Variants in MYPN observed in about 807,000 individuals in gnomAD.
MYPN encodes the protein myopalladin.
Under a neutral mutation model 129.4 loss-of-function variants are expected in MYPN, and 63 were observed. The observed-to-expected ratio is 0.49, with a 90% CI of 0.40 to 0.60. The LOEUF (loss-of-function observed/expected upper bound fraction) is 0.60, where lower values mean the gene tolerates loss of function less well. Among genes scored for constraint, MYPN ranks in the 20% least tolerant of loss-of-function variants. The probability of loss-of-function intolerance (pLI) is 0.00; values close to 1 mark genes in which losing one functional copy is unlikely to be tolerated. For missense variants in MYPN, 1,596 were observed against 1,635.4 expected (o/e 0.98, Z 0.42); for synonymous variants, 629 against 600.9 (o/e 1.05, Z -0.68).
At chr10:68,106,916 A>T (rs1261323584), upstream of MYPN, 1 of 672,080 alleles carries the variant, frequency 1.5e-6, no homozygotes, top group Non-Finnish European at 2.7e-6. Context: ...ACTCAACTTT[A>T]TGGGGAAGGC....
At chr10:68,146,644 C>T (rs1258530438) in intron 4 of MYPN, among the ~76,000 whole-genome samples, 1 of 152,218 alleles carries the variant, frequency 6.6e-6, no homozygotes, top group African/African-American at 2.4e-5. Flanking sequence ...AATGACCCCA[C>T]ATTCCACTAG....
chr10:68,147,474 C>G (rs1304756552), intron 4 of MYPN, among the ~76,000 whole-genome samples: 2 of 152,116 alleles, frequency 1.3e-5, no homozygotes, highest in African/African-American at 4.8e-5. Context: ...TATTATTTCC[C>G]CATTTTAGAG....
chr10:68,192,995 T>G (rs1195779699), intron 13 of MYPN, among the ~76,000 whole-genome samples: 1 of 152,158 alleles, frequency 6.6e-6, no homozygotes, highest in Non-Finnish European at 1.5e-5. Context: ...TTTGGTCTTT[T>G]GCATTTTTTT....
In MYPN at chr10:68,210,989, G is replaced by A. The variant is rs772622783; in HGVS notation, c.*534G>A. The A allele has an allele frequency of 6.8e-5, 31 of 454,134 alleles. No individual in the cohort carries two copies. The highest frequency in any genetic ancestry group is 4.9e-4 in the East Asian group (7 of 14,404). 28.1% of individuals were successfully genotyped at this position (454,134 alleles called of 1,614,324 possible). ...TAGGAGGTCATGCCATACAACTCAC[G>A]TATGCGGGCAAACACTTTTGATTTG... On this transcript the variant is annotated 3_prime_UTR_variant, in exon 20 of 20. Transcript: ENST00000358913.
chr10:68,188,591 T>A (rs1475629334), intron 12 of MYPN, among the ~76,000 whole-genome samples: 1 of 152,186 alleles, frequency 6.6e-6, no homozygotes, highest in African/African-American at 2.4e-5. Context: ...AAGTTTTCCA[T>A]ATTGAAAGGA....
intron 13 of MYPN, among the ~76,000 whole-genome samples, chr10:68,192,075 G>C (rs548510868): frequency 6.6e-6 from 1 of 152,100 alleles, no homozygotes. Context: ...TCTTTGTCTT[G>C]TTCCTGATGT....
At chr10:68,128,031 A>G (rs966936298) in intron 2 of MYPN, among the ~76,000 whole-genome samples, 3 of 152,152 alleles carry the variant, frequency 2.0e-5, no homozygotes, top group African/African-American at 7.2e-5. Flanking sequence ...TTGATTTCCA[A>G]GTTAATTGGG....
chr10:68,142,741 T>C (rs1251761359), intron 2 of MYPN, among the ~76,000 whole-genome samples, 199 bp from the exon 3 acceptor site: 1 of 152,224 alleles, frequency 6.6e-6, no homozygotes, highest in Non-Finnish European at 1.5e-5. Context: ...ACTTTCTAAT[T>C]TCCTGAGTGT....
chr10:68,203,720 CAGAGAGAGAG>C (rs371058853), intron 18 of MYPN, among the ~76,000 whole-genome samples: 5 of 115,660 alleles, frequency 4.3e-5, no homozygotes, highest in African/African-American at 1.4e-4. Context: ...CATACACACA[CAGAGAGAGAG>C]AGAGAGAGAG....
At chr10:68,195,634 G>A in intron 15 of MYPN, 102 bp downstream of exon 15, 1 of 949,702 alleles carries the variant, frequency 1.1e-6, no homozygotes, top group African/African-American at 1.6e-5. Context: ...ATTAAAGGTA[G>A]TCCTTCACTT....
At chr10:68,088,568 A>G (rs1288637089) in intron 1 of MYPN, among the ~76,000 whole-genome samples, 1 of 152,172 alleles carries the variant, frequency 6.6e-6, no homozygotes, top group African/African-American at 2.4e-5. Flanking sequence ...CATTGTTTCT[A>G]TAAGTTTCTG....
chr10:68,113,738 T>C (rs1335477499), intron 1 of MYPN, among the ~76,000 whole-genome samples: 1 of 151,958 alleles, frequency 6.6e-6, no homozygotes, highest in African/African-American at 2.4e-5. Context: ...AATAAATTCG[T>C]TTTTTTCAGC....
chr10:68,117,302 T>A (rs79290650), intron 1 of MYPN, among the ~76,000 whole-genome samples: 3 of 140,678 alleles, frequency 2.1e-5, no homozygotes, highest in African/African-American at 5.5e-5. Context: ...AAAAAAAAAA[T>A]TTATTGACCA....
intron 1 of MYPN, among the ~76,000 whole-genome samples, chr10:68,092,666 T>C (rs2041936483): frequency 6.6e-6 from 1 of 152,120 alleles, no homozygotes; most frequent in South Asian, 2.1e-4. Context: ...AGTGTAGGAG[T>C]GCTGTATGAT....
intron 3 of MYPN, among the ~76,000 whole-genome samples, chr10:68,145,046 C>T (rs1446601391): frequency 5.4e-5 from 8 of 148,086 alleles, no homozygotes; most frequent in Non-Finnish European, 1.0e-4. Context: ...TTTTTTGAGA[C>T]GGAGTTTTGC....
At chr10:68,170,653 C>T (rs562512863) in intron 10 of MYPN, among the ~76,000 whole-genome samples, 1 of 152,142 alleles carries the variant, frequency 6.6e-6, no homozygotes, top group Admixed American at 6.5e-5. Flanking sequence ...ATTTTTAAAC[C>T]TTGTATCATC....
intron 1 of MYPN, among the ~76,000 whole-genome samples, chr10:68,097,715 T>A (rs969242702): frequency 1.2e-4 from 19 of 152,008 alleles, no homozygotes; most frequent in Non-Finnish European, 2.4e-4. Flanking sequence ...ACTAAATTAC[T>A]CTCTTCCTAA....
intron 2 of MYPN, among the ~76,000 whole-genome samples, chr10:68,125,496 C>A (rs2042312580): frequency 6.6e-6 from 1 of 152,178 alleles, no homozygotes; most frequent in Admixed American, 6.5e-5. Flanking sequence ...TAACTCCAAT[C>A]AGAAAGCAAA....
intron 1 of MYPN, among the ~76,000 whole-genome samples, chr10:68,097,653 T>G (rs1240530592): frequency 6.6e-6 from 1 of 152,176 alleles, no homozygotes; most frequent in Non-Finnish European, 1.5e-5. Flanking sequence ...TTAAATAACT[T>G]GCCTAATGTT....
Sources: gnomAD v4.1 joint callset for allele counts (sites outside exome capture counted in the v4.1 genomes callset) on GRCh38, gnomAD v4.1.1 for gene constraint, MANE v1.5 for transcripts, NCBI Gene and HGNC (gene_info 2026-07-23, HGNC 2026-07-21) for gene names.